Variants in DTHD1 observed in about 807,000 individuals in gnomAD.
The protein encoded by DTHD1 is death domain-containing protein 1.
DTHD1 carries 59 observed loss-of-function variants against 74.8 expected under a neutral mutation model. That is an observed-to-expected ratio of 0.79 (90% CI 0.64 to 0.98). The LOEUF is 0.98. Ranked by LOEUF, DTHD1 falls within the 50% of genes least tolerant of loss-of-function variation. The probability of loss-of-function intolerance (pLI) is 0.00; values close to 1 mark genes in which losing one functional copy is unlikely to be tolerated. For synonymous variants in DTHD1, 365 were observed against 371.1 expected (o/e 0.98, Z 0.19); for missense variants, 1,051 against 1,065.4 (o/e 0.99, Z 0.19).
intron 2 of DTHD1, among the ~76,000 whole-genome samples, chr4:36,288,966 G>A (rs1210438333): frequency 6.6e-6 from 1 of 152,150 alleles, no homozygotes; most frequent in Non-Finnish European, 1.5e-5. Context: ...AGAACAATGT[G>A]CTGAGTCACT....
At chr4:36,337,263 A>G (rs1036235270) in intron 8 of DTHD1, among the ~76,000 whole-genome samples, 17 of 152,194 alleles carry the variant, frequency 1.1e-4, no homozygotes, top group African/African-American at 4.1e-4. Context: ...AGACCAACAC[A>G]GTGCCTGGAA....
At position 36,345,305 on chromosome 4, in the gene DTHD1, G is replaced by C. The variant is rs981548101; in HGVS notation, c.*1481G>C. 2.6e-5 allele frequency: 4 copies of C among 152,118 alleles called. No homozygotes were observed. Among genetic ancestry groups the C allele is most frequent in the African/African-American group, 9.7e-5 (4 of 41,416 alleles). The allele number at this position is 152,118 out of a possible 1,614,324, so 9.4% of individuals were successfully genotyped here. A position where few individuals can be genotyped will look rare whatever the true frequency, so the allele number is the denominator to read the frequency against. On this transcript the variant is annotated 3_prime_UTR_variant, in exon 10 of 10. Transcript: ENST00000639862. ...GTCTAGTATAAGCTTTGAGTTTTTG[G>C]AAAGCCTAACGCCCTTTAGCTCTCT...
At chr4:36,299,732 A>G (rs1756648698) in intron 5 of DTHD1, among the ~76,000 whole-genome samples, 1 of 152,208 alleles carries the variant, frequency 6.6e-6, no homozygotes, top group Non-Finnish European at 1.5e-5. Flanking sequence ...TATGTGCCAT[A>G]TTCTGTGCAA....
At chr4:36,339,026 A>G in intron 8 of DTHD1, 86 bp from the exon 9 acceptor site, 1 of 1,072,988 alleles carries the variant, frequency 9.3e-7, no homozygotes. Context: ...TTCGAAACAG[A>G]GATGATGTTC....
At chr4:36,297,887 T>TC (rs1756531771) in intron 5 of DTHD1, among the ~76,000 whole-genome samples, 1 of 151,920 alleles carries the variant, frequency 6.6e-6, no homozygotes, top group Non-Finnish European at 1.5e-5. Flanking sequence ...AGGGGGGATT[T>TC]CTTTTTTAGC....
Position 36,341,122 on chromosome 4 carries a change from T to C in DTHD1, c.2398+1953T>C, listed in dbSNP as rs192599657. The stretch of plus-strand genomic sequence containing the variant: ...AGAATGCCTAACGCAGAGGTTTAAG[T>C]AGTGAGTTGATAGTGAGGAACTTGA... On this transcript the variant is annotated intron_variant, in intron 9 of 9. Coordinates refer to ENST00000639862, the MANE Select transcript of DTHD1 (RefSeq NM_001170700.3). Among the ~76,000 whole-genome samples, 593 of 152,150 alleles carry C rather than the reference T, an allele frequency of 3.9e-3. 4 individuals are homozygous for C. The highest frequency in any genetic ancestry group is 5.0e-3 in the Non-Finnish European group (342 of 68,002).
At chr4:36,325,590 CAG>C (rs1253484313) in intron 8 of DTHD1, among the ~76,000 whole-genome samples, 1 of 152,036 alleles carries the variant, frequency 6.6e-6, no homozygotes, top group Admixed American at 6.5e-5. Flanking sequence ...AAGAAAAGAA[CAG>C]AGTTAGAGAG....
rs1465269926 is a variant in DTHD1 at position 36,308,448 on chromosome 4, G to A, written c.2050G>A (p.Gly684Arg). Residue 684 changes from glycine to arginine, a missense_variant, in exon 7 of 10, where the codon GGA (glycine) becomes AGA (arginine). Physicochemically the swap from Gly to Arg is moderately radical, Grantham distance 125. Coordinates refer to ENST00000639862, the MANE Select transcript of DTHD1 (RefSeq NM_001170700.3). ...EPSRHFQVREGEQLLLRFTGN... is the reference protein window; with the variant it reads ...EPSRHFQVREREQLLLRFTGN... ...ATCTCGTCATTTCCAAGTTCGAGAA[G>A]GAGAACAACTTCTTTTAAGATTTAC... 1 of 1,551,748 alleles carries A rather than the reference G, an allele frequency of 6.4e-7. No homozygotes were observed. The highest frequency in any genetic ancestry group is 8.7e-7 in the Non-Finnish European group (1 of 1,146,970).
At position 36,328,468 on chromosome 4, in the gene DTHD1, C is replaced by G. The variant is rs189664281; in HGVS notation, c.2341-10644C>G. 5.3e-5 allele frequency among the ~76,000 whole-genome samples: 8 copies of G among 152,244 alleles called. No individual in the cohort carries two copies. The East Asian group carries it at 1.4e-3, about 26-fold the overall frequency. On this transcript the variant is annotated intron_variant, in intron 8 of 9. Coordinates refer to ENST00000639862, the MANE Select transcript of DTHD1 (RefSeq NM_001170700.3). ...TTAATGTACTTATTTAGAAAAAAAA[C>G]CGTGTGTGTGTGTCCACGTGTGCAT...
intron 8 of DTHD1, among the ~76,000 whole-genome samples, chr4:36,324,461 G>T (rs534594419): frequency 1.3e-5 from 2 of 152,292 alleles, no homozygotes; most frequent in African/African-American, 4.8e-5. Flanking sequence ...TCATTGATGT[G>T]TTTGCACTTA....
At position 36,346,376 on chromosome 4, in the gene DTHD1, T is replaced by C. The variant is rs201411817; in HGVS notation, c.*2552T>C. Among the ~76,000 whole-genome samples, 1 of 151,982 alleles carries C rather than the reference T, an allele frequency of 6.6e-6. No homozygotes were observed. Among genetic ancestry groups the C allele is most frequent in the Non-Finnish European group, 1.5e-5 (1 of 67,976 alleles). On this transcript the variant is annotated 3_prime_UTR_variant, in exon 10 of 10. Coordinates refer to ENST00000639862, the MANE Select transcript of DTHD1 (RefSeq NM_001170700.3). ...CACACATACACTCACATACATTCAC[T>C]CACAGCCACATATACACACCTCTTC...
chr4:36,321,471 G>C (rs1211222877), intron 8 of DTHD1, among the ~76,000 whole-genome samples: 2 of 152,190 alleles, frequency 1.3e-5, no homozygotes, highest in Non-Finnish European at 2.9e-5. Flanking sequence ...CTTCTTACAA[G>C]AATCTAATGC....
At chr4:36,290,951 A>T (rs1381088812) in intron 3 of DTHD1, among the ~76,000 whole-genome samples, 1 of 152,230 alleles carries the variant, frequency 6.6e-6, no homozygotes, top group African/African-American at 2.4e-5. Context: ...TTCACCTAGG[A>T]AACAAAACCA....
chr4:36,340,707 G>A (rs1759267478), intron 9 of DTHD1, among the ~76,000 whole-genome samples: 1 of 152,166 alleles, frequency 6.6e-6, no homozygotes, highest in South Asian at 2.1e-4. Context: ...GCTACACCAG[G>A]ATTTAGGAAA....
chr4:36,326,780 C>A (rs920186034), intron 8 of DTHD1, among the ~76,000 whole-genome samples: 6 of 152,164 alleles, frequency 3.9e-5, no homozygotes, highest in African/African-American at 9.7e-5. Context: ...TTAGCAGAAG[C>A]CTTTCATGAC....
rs926177834 is a variant in DTHD1 at position 36,344,793 on chromosome 4, G to A, written c.*969G>A. 6.6e-6 allele frequency: 1 copy of A among 152,070 alleles called. No individual in the cohort carries two copies. The highest frequency in any genetic ancestry group is 2.4e-5 in the African/African-American group (1 of 41,412). 9.4% of individuals were successfully genotyped at this position (152,070 alleles called of 1,614,324 possible). On this transcript the variant is annotated 3_prime_UTR_variant, in exon 10 of 10. Coordinates refer to ENST00000639862, the MANE Select transcript of DTHD1 (RefSeq NM_001170700.3). Reference sequence around the variant, plus strand: ...AGAGAAGGGGCTTGTTCAGATAGTTGGGAGACTTAGAATTTTATTTTTGGT... The same window carrying A: ...AGAGAAGGGGCTTGTTCAGATAGTTAGGAGACTTAGAATTTTATTTTTGGT...
At chr4:36,330,241 A>C (rs963138665) in intron 8 of DTHD1, among the ~76,000 whole-genome samples, 1 of 152,190 alleles carries the variant, frequency 6.6e-6, no homozygotes, top group Non-Finnish European at 1.5e-5. Flanking sequence ...AGTCAGTAAA[A>C]TTGATATATG....
At position 36,346,981 on chromosome 4, in the gene DTHD1, T is replaced by A. The variant is rs2279783; in HGVS notation, c.*3157T>A. 0.33 allele frequency among the ~76,000 whole-genome samples: 50,130 copies of A among 151,980 alleles called. 12,194 individuals are homozygous for A. Among genetic ancestry groups the A allele is most frequent in the African/African-American group, 0.68 (27,984 of 41,424 alleles). ...TCCCCTTTTTAAAATAAAGCCTCCTTTTATTATTCTAATTTGAGTATATCA... is the reference window on the plus strand; with the variant it reads ...TCCCCTTTTTAAAATAAAGCCTCCTATTATTATTCTAATTTGAGTATATCA... On this transcript the variant is annotated 3_prime_UTR_variant, in exon 10 of 10. Transcript: ENST00000639862.
At chr4:36,305,827 TA>T (rs1003997532) in intron 5 of DTHD1, among the ~76,000 whole-genome samples, 1 of 152,204 alleles carries the variant, frequency 6.6e-6, no homozygotes, top group African/African-American at 2.4e-5. Context: ...GGTACTCTCT[TA>T]AATCTATTTT....
Sources: allele counts gnomAD v4.1 joint callset (sites outside exome capture counted in the v4.1 genomes callset), GRCh38; gene constraint gnomAD v4.1.1; transcripts MANE v1.5; gene names NCBI Gene and HGNC (gene_info 2026-07-23, HGNC 2026-07-21).